LLPH: variants seen among roughly 807,000 people sequenced by gnomAD.
LLPH encodes the protein LLP homolog, long-term synaptic facilitation factor.
LLPH carries 5 observed loss-of-function variants against 13.3 expected under a neutral mutation model. The ratio of observed to expected loss-of-function variants is 0.38; its 90% CI spans 0.20 to 0.79. LLPH has a LOEUF of 0.79. LLPH is among the 30% of genes least tolerant of loss of function. LLPH has a pLI of 0.45. For synonymous variants in LLPH, 32 were observed against 44.2 expected (o/e 0.72, Z 1.09); for missense variants, 129 against 152.1 (o/e 0.85, Z 0.80).
rs1442188759 is a variant in LLPH at position 66,119,025 on chromosome 12, T to C, written c.*4815A>G. ...CCCAAAATCTTGGTTAGAAGGCGCT[T>C]CCTTAAATCAAATAAAAGTCTGTCT... On this transcript the variant is annotated 3_prime_UTR_variant, in exon 3 of 3. Coordinates refer to ENST00000266604, the MANE Select transcript of LLPH (RefSeq NM_032338.4). 2.0e-5 allele frequency: 3 copies of C among 152,134 alleles called. No individual in the cohort carries two copies. The highest frequency in any genetic ancestry group is 7.2e-5 in the African/African-American group (3 of 41,442). 9.4% of individuals were successfully genotyped at this position (152,134 alleles called of 1,614,324 possible).
intron 1 of LLPH, among the ~76,000 whole-genome samples, chr12:66,129,436 A>C (rs1341775522): frequency 6.7e-6 from 1 of 150,200 alleles, no homozygotes; most frequent in Non-Finnish European, 1.5e-5. Flanking sequence ...CCCAGGCTGG[A>C]GTGCAGTGGC....
At chr12:66,130,097 T>C (rs1455124844) in intron 1 of LLPH, among the ~76,000 whole-genome samples, 1 of 152,202 alleles carries the variant, frequency 6.6e-6, no homozygotes, top group Non-Finnish European at 1.5e-5. Context: ...AAACTATCTC[T>C]ACGTCAGTGC....
At chr12:66,127,846 T>C (rs2051507288) in intron 2 of LLPH, among the ~76,000 whole-genome samples, 1 of 152,144 alleles carries the variant, frequency 6.6e-6, no homozygotes. Flanking sequence ...ACATTGAACA[T>C]CCCAGAACAC....
intron 2 of LLPH, among the ~76,000 whole-genome samples, chr12:66,125,652 C>T (rs1042582263): frequency 1.4e-4 from 21 of 152,140 alleles, no homozygotes; most frequent in Non-Finnish European, 1.5e-5. Context: ...GATTCTGATA[C>T]AGGAGATCTC....
chr12:66,130,115 T>C (rs2051525688), intron 1 of LLPH, among the ~76,000 whole-genome samples: 1 of 152,188 alleles, frequency 6.6e-6, no homozygotes. Flanking sequence ...TGCCTTCATA[T>C]TTGCTGTCCC....
intron 2 of LLPH, among the ~76,000 whole-genome samples, chr12:66,128,608 C>T (rs2051512193): frequency 6.6e-6 from 1 of 152,056 alleles, no homozygotes; most frequent in African/African-American, 2.4e-5. Context: ...TGTATAAGCA[C>T]CAAAGACCCA....
rs537243078 is a variant in LLPH, at chr12:66,129,961, T to A, written c.-8+744A>T. ...CCTTTCTTCGAGTTCTTTAAAGACC[T>A]CCTCCCTCATATATATTCAAGATCT... On this transcript the variant is annotated intron_variant, in intron 1 of 2. Transcript: ENST00000266604. Among the ~76,000 whole-genome samples the A allele has an allele frequency of 7.2e-5, 11 of 152,194 alleles. No individual in the cohort carries two copies. In the South Asian group the frequency reaches 2.3e-3, roughly 32 times the overall value.
chr12:66,123,812 A>C lies in LLPH; in HGVS notation c.*28T>G. ...TACATTCTAATCCGTCATCTATCCCATGTGGCATTTTCCAAGGTTTTAAGA... is the reference window on the plus strand; with the variant it reads ...TACATTCTAATCCGTCATCTATCCCCTGTGGCATTTTCCAAGGTTTTAAGA... On this transcript the variant is annotated 3_prime_UTR_variant, in exon 3 of 3. Coordinates refer to ENST00000266604, the MANE Select transcript of LLPH (RefSeq NM_032338.4). 1 of 1,609,188 alleles carries C rather than the reference A, an allele frequency of 6.2e-7. No homozygotes were observed.
In LLPH at chr12:66,122,767, C is replaced by T. The variant is rs1485482078; in HGVS notation, c.*1073G>A. Reference sequence around the variant, plus strand: ...TTCAAGTATGTAGCATTTCCCAAATCGATGTGAACACAATTTATTTTTTTT... The same window carrying T: ...TTCAAGTATGTAGCATTTCCCAAATTGATGTGAACACAATTTATTTTTTTT... On this transcript the variant is annotated 3_prime_UTR_variant, in exon 3 of 3. Transcript: ENST00000266604. 6.6e-5 allele frequency: 10 copies of T among 151,420 alleles called. No individual in the cohort carries two copies. Among genetic ancestry groups the T allele is most frequent in the Admixed American group, 5.9e-4 (9 of 15,224 alleles). 9.4% of individuals were successfully genotyped at this position (151,420 alleles called of 1,614,324 possible). A position where few individuals can be genotyped will look rare whatever the true frequency, so the allele number is the denominator to read the frequency against.
At chr12:66,128,848 CAAA>C (rs71096072) in intron 2 of LLPH, 45 bp downstream of exon 2, 23,117 of 949,674 alleles carry the variant, frequency 0.024, no homozygotes, top group Non-Finnish European at 0.026. Context: ...GACCCTGCCT[CAAA>C]AAAAAAAAAA....
chr12:66,127,857 A>T (rs927572803), intron 2 of LLPH, among the ~76,000 whole-genome samples: 1 of 152,232 alleles, frequency 6.6e-6, no homozygotes, highest in Admixed American at 6.5e-5. Context: ...CCCAGAACAC[A>T]TCTATGCTGT....
Position 66,117,135 on chromosome 12 carries a change from A to C in LLPH, c.*6705T>G, listed in dbSNP as rs938212032. The C allele has an allele frequency of 2.0e-5, 3 of 152,202 alleles. No homozygotes were observed. The highest frequency in any genetic ancestry group is 4.4e-5 in the Non-Finnish European group (3 of 68,032). 9.4% of individuals were successfully genotyped at this position (152,202 alleles called of 1,614,324 possible). ...AGCTTTCAACCCAAATTCCAAGAAC[A>C]GTTGGCCCTCTGTATCTATGAATTC... On this transcript the variant is annotated 3_prime_UTR_variant, in exon 3 of 3. Coordinates refer to ENST00000266604, the MANE Select transcript of LLPH (RefSeq NM_032338.4).
chr12:66,129,594 C>T (rs1325070841), intron 1 of LLPH, among the ~76,000 whole-genome samples: 2 of 152,030 alleles, frequency 1.3e-5, no homozygotes, highest in African/African-American at 2.4e-5. Flanking sequence ...ACCGTGTTAG[C>T]CAGGATAGTC....
Position 66,118,145 on chromosome 12 carries a change from C to T in LLPH, c.*5695G>A, listed in dbSNP as rs985561695. The T allele has an allele frequency of 1.3e-5, 2 of 152,230 alleles. No homozygotes were observed. Among genetic ancestry groups the T allele is most frequent in the African/African-American group, 2.4e-5 (1 of 41,422 alleles). 9.4% of individuals were successfully genotyped at this position (152,230 alleles called of 1,614,324 possible). A position where few individuals can be genotyped will look rare whatever the true frequency, so the allele number is the denominator to read the frequency against. On this transcript the variant is annotated 3_prime_UTR_variant, in exon 3 of 3. Transcript: ENST00000266604. The stretch of plus-strand genomic sequence containing the variant: ...TTGGGAGGCTGAGGCAGGTGGATCA[C>T]CTGAGGTCAGGAGTTCAAGGCCAGC...
At chr12:66,126,868 T>C (rs1480663427) in intron 2 of LLPH, among the ~76,000 whole-genome samples, 2 of 151,170 alleles carry the variant, frequency 1.3e-5, no homozygotes, top group Admixed American at 6.6e-5. Flanking sequence ...GAGGCAGAGG[T>C]TGTGGTGAGC....
Position 66,116,778 on chromosome 12 carries a change from A to C in LLPH, c.*7062T>G, listed in dbSNP as rs2051430913. ...AATACATTCCGCATATTAAAAACTT[A>C]ATGTATTATAAAGCTATGCCATTCT... On this transcript the variant is annotated 3_prime_UTR_variant, in exon 3 of 3. Coordinates refer to ENST00000266604, the MANE Select transcript of LLPH (RefSeq NM_032338.4). 1 of 152,264 alleles carries C rather than the reference A, an allele frequency of 6.6e-6. No homozygotes were observed. Among genetic ancestry groups the C allele is most frequent in the African/African-American group, 2.4e-5 (1 of 41,478 alleles). 9.4% of individuals were successfully genotyped at this position (152,264 alleles called of 1,614,324 possible).
rs75293718 is a variant in LLPH, at chr12:66,130,153, C to A, written c.-8+552G>T. Among the ~76,000 whole-genome samples the A allele has an allele frequency of 2.4e-3, 361 of 152,292 alleles. 1 individual carries two copies. Among genetic ancestry groups the A allele is most frequent in the African/African-American group, 8.6e-3 (359 of 41,540 alleles). On this transcript the variant is annotated intron_variant, in intron 1 of 2. Transcript: ENST00000266604. ...TGCCTGGCAACTGCTCTTCTCAAGG[C>A]TTGCTCCTTCATTCGCTACCTCAGA...
rs77361366 is a variant in LLPH, at chr12:66,120,548, C to T, written c.*3292G>A. The stretch of plus-strand genomic sequence containing the variant: ...AGTTAATACTTGAAGCAGTTTTGAT[C>T]ATCTTTAAATTATATTTTGATTTCA... On this transcript the variant is annotated 3_prime_UTR_variant, in exon 3 of 3. Coordinates refer to ENST00000266604, the MANE Select transcript of LLPH (RefSeq NM_032338.4). 343 of 152,272 alleles carry T rather than the reference C, an allele frequency of 2.3e-3. 1 individual carries two copies. The highest frequency in any genetic ancestry group is 8.1e-3 in the African/African-American group (335 of 41,548). 9.4% of individuals were successfully genotyped at this position (152,272 alleles called of 1,614,324 possible). A position where few individuals can be genotyped will look rare whatever the true frequency, so the allele number is the denominator to read the frequency against.
At chr12:66,130,081 G>C (rs767451681) in intron 1 of LLPH, among the ~76,000 whole-genome samples, 10 of 152,080 alleles carry the variant, frequency 6.6e-5, no homozygotes, top group Non-Finnish European at 1.3e-4. Context: ...CGTCTGTAAA[G>C]AGTCCAAACT....
Sources: allele counts gnomAD v4.1 joint callset (sites outside exome capture counted in the v4.1 genomes callset), GRCh38; gene constraint gnomAD v4.1.1; transcripts MANE v1.5; gene names NCBI Gene and HGNC (gene_info 2026-07-23, HGNC 2026-07-21).